ALG9: variants seen among roughly 807,000 people sequenced by gnomAD.
ALG9 encodes the protein alpha-1,2-mannosyltransferase ALG9.
A neutral mutation model predicts 81.8 loss-of-function variants in ALG9; 55 were observed. The observed-to-expected ratio is 0.67, with a 90% CI of 0.54 to 0.84. The LOEUF is 0.84. Among genes scored for constraint, ALG9 ranks in the 40% least tolerant of loss-of-function variants. The pLI, the probability that ALG9 is intolerant of heterozygous loss-of-function variation, is 0.00. For missense variants in ALG9, 629 were observed against 745.0 expected (o/e 0.84, Z 1.81); for synonymous variants, 278 against 274.3 (o/e 1.01, Z -0.13).
intron 13 of ALG9, among the ~76,000 whole-genome samples, chr11:111,810,372 TTAACAAAA>T (rs1950533442): frequency 6.6e-6 from 1 of 152,176 alleles, no homozygotes; most frequent in Non-Finnish European, 1.5e-5. Flanking sequence ...ATATTGTATA[TTAACAAAA>T]ACAGAGTCAG....
At chr11:111,839,602 G>GGC (rs1491478563) in intron 10 of ALG9, among the ~76,000 whole-genome samples, 52 of 65,776 alleles carry the variant, frequency 7.9e-4, no homozygotes, top group African/African-American at 2.5e-3. Context: ...AAAAAAAAAA[G>GGC]GGGGGGGGGG....
Position 111,784,294 on chromosome 11 carries a change from GTC to G in ALG9, c.*2101_*2102del, listed in dbSNP as rs1284407719. On this transcript the variant is annotated 3_prime_UTR_variant, in exon 15 of 15. Transcript: ENST00000616540. Reference sequence around the variant, plus strand: ...ATTACCTCTCCAGCGCTTCAACTCCGTCTCTGATATTCCTGCAGAGGAGATCT... The same window carrying G: ...ATTACCTCTCCAGCGCTTCAACTCCGTCTGATATTCCTGCAGAGGAGATCT... 1 of 152,220 alleles carries G rather than the reference GTC, an allele frequency of 6.6e-6. No individual in the cohort carries two copies. The highest frequency in any genetic ancestry group is 1.5e-5 in the Non-Finnish European group (1 of 68,050). 9.4% of individuals were successfully genotyped at this position (152,220 alleles called of 1,614,324 possible). A position where few individuals can be genotyped will look rare whatever the true frequency, so the allele number is the denominator to read the frequency against.
chr11:111,837,518 A>C lies in ALG9; in HGVS notation c.1422T>G (p.Cys474Trp). The change falls in exon 12 of 15, where the codon TGT (cysteine) becomes TGG (tryptophan). Residue 474 changes from cysteine to tryptophan, a missense_variant. Transcript: ENST00000616540. ...TVPEGRPVNV[C>W]VGKEWYRFPS... ...GAAATCGATACCACTCTTTTCCCACACAGACATTCACAGGTCTGCCTTCTG... is the reference window on the plus strand; with the variant it reads ...GAAATCGATACCACTCTTTTCCCACCCAGACATTCACAGGTCTGCCTTCTG... The C allele has an allele frequency of 6.2e-7, 1 of 1,614,148 alleles. No individual in the cohort carries two copies. The highest frequency in any genetic ancestry group is 8.5e-7 in the Non-Finnish European group (1 of 1,179,976).
At position 111,786,348 on chromosome 11, in the gene ALG9, G is replaced by T. The variant is rs782427530; in HGVS notation, c.*49C>A. 7 of 1,611,868 alleles carry T rather than the reference G, an allele frequency of 4.3e-6. No homozygotes were observed. Among genetic ancestry groups the T allele is most frequent in the Non-Finnish European group, 5.9e-6 (7 of 1,178,726 alleles). ...TGACTTGCAGGGAGTCAGGTCACTG[G>T]AATCAATAGTTAACAAGATGGTTGT... On this transcript the variant is annotated 3_prime_UTR_variant, in exon 15 of 15. Transcript: ENST00000616540.
intron 6 of ALG9, among the ~76,000 whole-genome samples, chr11:111,856,804 G>T (rs1555143511): frequency 6.6e-6 from 1 of 151,984 alleles, no homozygotes; most frequent in African/African-American, 2.4e-5. Flanking sequence ...AGATGCTGGG[G>T]GCAAGAAAGA....
At chr11:111,827,987 A>G (rs1953671139) in intron 13 of ALG9, among the ~76,000 whole-genome samples, 5 of 151,906 alleles carry the variant, frequency 3.3e-5, no homozygotes, top group African/African-American at 9.7e-5. Context: ...CAGGCGTTTG[A>G]GACCAGTCTG....
intron 6 of ALG9, among the ~76,000 whole-genome samples, 157 bp from the exon 7 acceptor site, chr11:111,853,893 T>C (rs961702774): frequency 2.0e-5 from 3 of 152,158 alleles, no homozygotes; most frequent in Non-Finnish European, 4.4e-5. Context: ...ACAGGACCTG[T>C]CAGAGTGCTC....
chr11:111,797,011 T>G (rs1430411366), intron 14 of ALG9, among the ~76,000 whole-genome samples: 1 of 152,194 alleles, frequency 6.6e-6, no homozygotes, highest in Non-Finnish European at 1.5e-5. Context: ...GACTACTGCA[T>G]GTACTATATG....
At chr11:111,810,828 T>C (rs1216622443) in intron 13 of ALG9, among the ~76,000 whole-genome samples, 1 of 152,230 alleles carries the variant, frequency 6.6e-6, no homozygotes, top group Admixed American at 6.5e-5. Context: ...AAATAAAGAC[T>C]ATTTGAAACA....
In ALG9 at chr11:111,801,270, G is replaced by C. The variant is rs188868116; in HGVS notation, c.1733+8373C>G. Among the ~76,000 whole-genome samples, 27 of 152,328 alleles carry C rather than the reference G, an allele frequency of 1.8e-4. No individual in the cohort carries two copies. The East Asian group carries it at 4.8e-3, about 27-fold the overall frequency. On this transcript the variant is annotated intron_variant, in intron 14 of 14. Coordinates refer to ENST00000616540, the MANE Select transcript of ALG9 (RefSeq NM_024740.2). ...CTCAGCTCTGAGGCACACAGGCTCT[G>C]ACAGTACAGTCTACCTTAATTGGCC...
intron 4 of ALG9, among the ~76,000 whole-genome samples, chr11:111,863,146 C>T (rs782420478): frequency 6.6e-6 from 1 of 151,990 alleles, no homozygotes; most frequent in East Asian, 1.9e-4. Context: ...CCGAGGCGGG[C>T]AGATCACGAA....
chr11:111,852,332 G>A (rs900781441), intron 8 of ALG9, among the ~76,000 whole-genome samples: 13 of 152,174 alleles, frequency 8.5e-5, no homozygotes, highest in African/African-American at 2.4e-4. Flanking sequence ...AAGATCTCTA[G>A]CTCATCCCCC....
intron 13 of ALG9, among the ~76,000 whole-genome samples, chr11:111,831,705 A>C (rs1275092653): frequency 7.9e-5 from 12 of 152,230 alleles, no homozygotes; most frequent in Non-Finnish European, 7.3e-5. Context: ...CAGTTCTTTC[A>C]TCCATAAAAT....
downstream of ALG9, among the ~76,000 whole-genome samples, chr11:111,778,836 CAG>C (rs1472348068): frequency 6.9e-6 from 1 of 145,396 alleles, no homozygotes; most frequent in African/African-American, 2.6e-5. Flanking sequence ...TTTTTTGAGA[CAG>C]AGTTTCGCTC....
chr11:111,864,549 T>C, intron 4 of ALG9: 1 of 620,760 alleles, frequency 1.6e-6, no homozygotes, highest in South Asian at 1.8e-5. Context: ...GTACAAAAGC[T>C]TATCCCTGTA....
At chr11:111,843,506 T>G (rs1476399998) in intron 9 of ALG9, among the ~76,000 whole-genome samples, 1 of 152,202 alleles carries the variant, frequency 6.6e-6, no homozygotes, top group Non-Finnish European at 1.5e-5. Context: ...TGAAGGCTGC[T>G]CTAATATTCT....
intron 8 of ALG9, among the ~76,000 whole-genome samples, chr11:111,851,598 T>C (rs1957844152): frequency 1.3e-5 from 2 of 152,022 alleles, no homozygotes; most frequent in Non-Finnish European, 2.9e-5. Context: ...CAGTAACCCA[T>C]TATAAAGGTG....
At chr11:111,828,223 A>G (rs1953718449) in intron 13 of ALG9, among the ~76,000 whole-genome samples, 1 of 152,184 alleles carries the variant, frequency 6.6e-6, no homozygotes, top group East Asian at 1.9e-4. Flanking sequence ...GGTTGTGCTG[A>G]TAATATTTAT....
At chr11:111,844,479 G>C (rs1191191871) in intron 9 of ALG9, 122 bp downstream of exon 9, 4 of 1,444,518 alleles carry the variant, frequency 2.8e-6, no homozygotes. Flanking sequence ...AATTCAGTAA[G>C]CCAACCATTT....
Sources: gnomAD v4.1 joint callset for allele counts (sites outside exome capture counted in the v4.1 genomes callset) on GRCh38, gnomAD v4.1.1 for gene constraint, MANE v1.5 for transcripts, NCBI Gene and HGNC (gene_info 2026-07-23, HGNC 2026-07-21) for gene names.